The following EXOC6B variants were observed in gnomAD, a reference collection of about 807,000 sequenced individuals.
EXOC6B encodes SEC15 homolog B.
EXOC6B carries 54 observed loss-of-function variants against 113.5 expected under a neutral mutation model. That is an observed-to-expected ratio of 0.48 (90% CI 0.38 to 0.60). The LOEUF (loss-of-function observed/expected upper bound fraction) is 0.60. EXOC6B is among the 20% of genes least tolerant of loss of function. The pLI is 0.00. For missense variants in EXOC6B, 797 were observed against 977.5 expected (o/e 0.82, Z 2.46); for synonymous variants, 357 against 339.0 (o/e 1.05, Z -0.58).
Position 72,633,422 on chromosome 2 carries a change from T to C in EXOC6B, c.670-57754A>G, listed in dbSNP as rs576757893. ...TGTATGCTGTTGTTGTTGTTGTTGC[T>C]ACTGCTGCTGCTGTTTTAATATCAC... is the stretch of plus-strand genomic sequence containing the variant. On this transcript the variant is annotated intron_variant, in intron 6 of 21. Transcript: ENST00000272427. 7.9e-5 allele frequency among the ~76,000 whole-genome samples: 12 copies of C among 152,300 alleles called. No individual in the cohort carries two copies. In the East Asian group the frequency reaches 1.9e-3, roughly 24 times the overall value.
intron 18 of EXOC6B, among the ~76,000 whole-genome samples, chr2:72,445,806 T>A (rs1015761857): frequency 6.6e-6 from 1 of 151,966 alleles, no homozygotes; most frequent in African/African-American, 2.4e-5. Flanking sequence ...CCAAACCATA[T>A]CACAACCCCA....
intron 5 of EXOC6B, among the ~76,000 whole-genome samples, chr2:72,724,810 T>C (rs556994719): frequency 6.6e-6 from 1 of 151,914 alleles, no homozygotes; most frequent in Admixed American, 6.6e-5. Context: ...GACTAAAACA[T>C]TACACAATGC....
chr2:72,652,630 A>G (rs1674267183), intron 6 of EXOC6B, among the ~76,000 whole-genome samples: 1 of 150,364 alleles, frequency 6.7e-6, no homozygotes, highest in African/African-American at 2.4e-5. Flanking sequence ...ACTATTCACC[A>G]TCAATAATAT....
At chr2:72,401,216 T>G (rs1043022233) in intron 18 of EXOC6B, among the ~76,000 whole-genome samples, 5 of 151,144 alleles carry the variant, frequency 3.3e-5, no homozygotes, top group Non-Finnish European at 5.9e-5. Flanking sequence ...ACCCCAGCAC[T>G]TTGGGGAGGC....
At chr2:72,260,749 G>T (rs1683664727) in intron 20 of EXOC6B, among the ~76,000 whole-genome samples, 1 of 152,118 alleles carries the variant, frequency 6.6e-6, no homozygotes, top group African/African-American at 2.4e-5. Flanking sequence ...GTATGGGGAA[G>T]ATATTCCCAC....
intron 20 of EXOC6B, among the ~76,000 whole-genome samples, chr2:72,199,642 A>G (rs990610656): frequency 6.6e-6 from 1 of 152,180 alleles, no homozygotes; most frequent in African/African-American, 2.4e-5. Flanking sequence ...TTCCTTTTCT[A>G]TCAGAATCTC....
At chr2:72,471,931 AG>A (rs1288615072) in intron 17 of EXOC6B, among the ~76,000 whole-genome samples, 2 of 152,150 alleles carry the variant, frequency 1.3e-5, no homozygotes, top group Non-Finnish European at 2.9e-5. Flanking sequence ...TTAATTGTGA[AG>A]GGATGTTGAA....
chr2:72,704,477 CA>C (rs1176879375), intron 6 of EXOC6B, among the ~76,000 whole-genome samples: 4 of 147,226 alleles, frequency 2.7e-5, no homozygotes, highest in Non-Finnish European at 4.5e-5. Flanking sequence ...TAACTAAAAT[CA>C]GAGCAGAACT....
chr2:72,179,272 G>A lies in EXOC6B; in HGVS notation c.*63C>T. ...AATGCACAAATGCAGGGTCAGCTGG[G>A]GCTGGACCCCAGACTGACACAGAGG... On this transcript the variant is annotated 3_prime_UTR_variant, in exon 22 of 22. Transcript: ENST00000272427. The A allele has an allele frequency of 6.7e-7, 1 of 1,493,832 alleles. No homozygotes were observed. Among genetic ancestry groups the A allele is most frequent in the South Asian group, 1.4e-5 (1 of 73,272 alleles). 92.5% of individuals were successfully genotyped at this position (1,493,832 alleles called of 1,614,324 possible).
chr2:72,642,212 C>T (rs1468219469), intron 6 of EXOC6B, among the ~76,000 whole-genome samples: 1 of 150,930 alleles, frequency 6.6e-6, no homozygotes, highest in Non-Finnish European at 1.5e-5. Context: ...AGATTCAATG[C>T]CATCCCCATC....
chr2:72,683,539 C>G (rs1375737167), intron 6 of EXOC6B, among the ~76,000 whole-genome samples: 1 of 151,956 alleles, frequency 6.6e-6, no homozygotes, highest in African/African-American at 2.4e-5. Flanking sequence ...TATACATAAG[C>G]AAAAATCTAA....
chr2:72,569,821 C>T (rs555087125), intron 7 of EXOC6B, among the ~76,000 whole-genome samples: 4 of 152,118 alleles, frequency 2.6e-5, no homozygotes, highest in Admixed American at 6.6e-5. Context: ...ATCACAACCA[C>T]TATTTTTTTA....
intron 20 of EXOC6B, among the ~76,000 whole-genome samples, chr2:72,243,567 G>A (rs1313048373): frequency 6.6e-6 from 1 of 152,124 alleles, no homozygotes; most frequent in Admixed American, 6.5e-5. Context: ...CACAGGGTGG[G>A]GAACATCACT....
intron 18 of EXOC6B, among the ~76,000 whole-genome samples, chr2:72,443,469 T>C (rs1334072041): frequency 6.6e-6 from 1 of 152,060 alleles, no homozygotes; most frequent in Non-Finnish European, 1.5e-5. Flanking sequence ...TCCTATTCAA[T>C]AAATGATGCT....
intron 1 of EXOC6B, among the ~76,000 whole-genome samples, chr2:72,744,907 A>G (rs1195722896): frequency 6.6e-6 from 1 of 152,112 alleles, no homozygotes; most frequent in Non-Finnish European, 1.5e-5. Context: ...GGAAATGTGG[A>G]TTTTAGCTGC....
At chr2:72,453,716 T>G (rs1267687629) in intron 18 of EXOC6B, among the ~76,000 whole-genome samples, 1 of 152,186 alleles carries the variant, frequency 6.6e-6, no homozygotes. Flanking sequence ...TTAGCAATGA[T>G]GAAATAACTG....
At chr2:72,823,150 TA>T (rs778304758) in intron 1 of EXOC6B, among the ~76,000 whole-genome samples, 132 of 73,848 alleles carry the variant, frequency 1.8e-3, no homozygotes, top group South Asian at 0.012. Context: ...TGTAATCTGC[TA>T]AAAAAAAAAA....
At chr2:72,688,577 G>A (rs917521408) in intron 6 of EXOC6B, among the ~76,000 whole-genome samples, 1 of 151,966 alleles carries the variant, frequency 6.6e-6, no homozygotes, top group African/African-American at 2.4e-5. Context: ...GAGAAGAGGT[G>A]GTATTAATTC....
chr2:72,585,809 A>C (rs1705529340), intron 6 of EXOC6B, among the ~76,000 whole-genome samples: 1 of 152,240 alleles, frequency 6.6e-6, no homozygotes, highest in Middle Eastern at 3.4e-3. Context: ...AATGAAAAAA[A>C]CCTACCAACC....
Sources: gnomAD v4.1 joint callset for allele counts (sites outside exome capture counted in the v4.1 genomes callset) on GRCh38, gnomAD v4.1.1 for gene constraint, MANE v1.5 for transcripts, NCBI Gene and HGNC (gene_info 2026-07-23, HGNC 2026-07-21) for gene names.